KCNK2: variants seen among roughly 807,000 people sequenced by gnomAD.
The protein encoded by KCNK2 is potassium two pore domain channel subfamily K member 2, also known as potassium channel subfamily K member 2.
In KCNK2, 21 loss-of-function variants were observed where a neutral mutation model predicts 40.5. The observed-to-expected ratio is 0.52, with a 90% confidence interval of 0.37 to 0.75. KCNK2 has a LOEUF of 0.75. Among genes scored for constraint, KCNK2 ranks in the 30% least tolerant of loss-of-function variants. The probability of loss-of-function intolerance (pLI) is 0.00; values close to 1 mark genes in which losing one functional copy is unlikely to be tolerated. For missense variants in KCNK2, 399 were observed against 531.6 expected (o/e 0.75, Z 2.45); for synonymous variants, 191 against 202.2 (o/e 0.94, Z 0.47).
At chr1:215,125,446 A>G (rs10127611) in intron 3 of KCNK2, among the ~76,000 whole-genome samples, 116,838 of 151,942 alleles carry the variant, frequency 0.77, 45,234 homozygotes, top group Non-Finnish European at 0.79. Context: ...GGTACATGTA[A>G]ATGTCCTCTC....
At chr1:215,092,667 T>C (rs1465528477) in intron 2 of KCNK2, among the ~76,000 whole-genome samples, 1 of 152,122 alleles carries the variant, frequency 6.6e-6, no homozygotes, top group African/African-American at 2.4e-5. Flanking sequence ...TAGCCTAAAA[T>C]GGGGTGTCAG....
At chr1:215,207,290 G>A (rs1168270047) in intron 6 of KCNK2, among the ~76,000 whole-genome samples, 1 of 152,128 alleles carries the variant, frequency 6.6e-6, no homozygotes, top group Non-Finnish European at 1.5e-5. Flanking sequence ...GATTCTCATA[G>A]GAGCGGGAAC....
chr1:215,104,057 C>T (rs890376485), intron 2 of KCNK2, among the ~76,000 whole-genome samples: 11 of 151,940 alleles, frequency 7.2e-5, no homozygotes, highest in African/African-American at 2.7e-4. Flanking sequence ...ATCTGAAAGG[C>T]AGGCAATTGT....
At chr1:215,196,710 G>A (rs1664882271) in intron 6 of KCNK2, among the ~76,000 whole-genome samples, 2 of 151,980 alleles carry the variant, frequency 1.3e-5, no homozygotes, top group African/African-American at 4.8e-5. Context: ...GGGGCGGTGG[G>A]AGATGGGAGA....
chr1:215,134,987 A>T (rs1316903077), intron 3 of KCNK2, among the ~76,000 whole-genome samples: 5 of 152,114 alleles, frequency 3.3e-5, no homozygotes, highest in African/African-American at 4.8e-5. Context: ...TTTAAAGCAT[A>T]CATGTTTTAA....
In KCNK2 at chr1:215,202,586, A is replaced by G. The variant is rs545043322; in HGVS notation, c.963+7494A>G. Among the ~76,000 whole-genome samples the G allele has an allele frequency of 2.0e-5, 3 of 152,330 alleles. No homozygotes were observed. The South Asian group carries it at 6.2e-4, about 32-fold the overall frequency. On this transcript the variant is annotated intron_variant, in intron 6 of 6. Transcript: ENST00000444842. ...GTAGCCTCAGTATTATGTTGCATGTATGAACCTTTGTGCTTCTAACTTCAG... is the reference window on the plus strand; with the variant it reads ...GTAGCCTCAGTATTATGTTGCATGTGTGAACCTTTGTGCTTCTAACTTCAG...
intron 6 of KCNK2, among the ~76,000 whole-genome samples, chr1:215,222,651 T>C (rs1325443174): frequency 6.6e-6 from 1 of 151,824 alleles, no homozygotes; most frequent in Non-Finnish European, 1.5e-5. Context: ...CTTATGAATA[T>C]TACATATACT....
At chr1:215,094,089 G>A (rs1659874390) in intron 2 of KCNK2, among the ~76,000 whole-genome samples, 1 of 148,918 alleles carries the variant, frequency 6.7e-6, no homozygotes, top group Non-Finnish European at 1.5e-5. Context: ...TCTGATTTGT[G>A]TAAGCACTCA....
Position 215,209,349 on chromosome 1 carries a change from ATT to A in KCNK2, c.963+14258_963+14259del, listed in dbSNP as rs1320356420. Among the ~76,000 whole-genome samples the A allele has an allele frequency of 1.6e-4, 14 of 89,508 alleles. 1 individual carries two copies. The highest frequency in any genetic ancestry group is 4.4e-4 in the African/African-American group (10 of 22,638). 58.7% of individuals were successfully genotyped at this position (89,508 alleles called of 152,430 possible). A position where few individuals can be genotyped will look rare whatever the true frequency, so the allele number is the denominator to read the frequency against. On this transcript the variant is annotated intron_variant, in intron 6 of 6. Coordinates refer to ENST00000444842, the MANE Select transcript of KCNK2 (RefSeq NM_001017425.3). ...ATATTTTTATATATATAATATATAT[ATT>A]ATATATAATATATGCATATATTATA...
chr1:215,209,971 T>TAA lies in KCNK2; in HGVS notation c.963+14879_963+14880insAA, dbSNP rs1177002801. On this transcript the variant is annotated intron_variant, in intron 6 of 6. Transcript: ENST00000444842. Reference sequence around the variant, plus strand: ...AATAGGAAAATATATTTTATATATATTATATATATTATATATAATATATAA... The same window carrying TAA: ...AATAGGAAAATATATTTTATATATATAATATATATATTATATATAATATATAA... Among the ~76,000 whole-genome samples, 28 of 64,504 alleles carry TAA rather than the reference T, an allele frequency of 4.3e-4. No individual in the cohort carries two copies. The South Asian group carries it at 0.015, about 34-fold the overall frequency. 42.3% of individuals were successfully genotyped at this position (64,504 alleles called of 152,430 possible).
chr1:215,190,483 G>A (rs770294278), intron 5 of KCNK2, among the ~76,000 whole-genome samples: 1 of 152,120 alleles, frequency 6.6e-6, no homozygotes, highest in Non-Finnish European at 1.5e-5. Context: ...CTGTGTTTTG[G>A]AGCTATTCAG....
intron 1 of KCNK2, among the ~76,000 whole-genome samples, chr1:215,023,109 C>T (rs957487233): frequency 2.6e-5 from 4 of 152,182 alleles, no homozygotes; most frequent in African/African-American, 7.2e-5. Context: ...ATGAGCCTTT[C>T]GTTTTAATGG....
intron 6 of KCNK2, among the ~76,000 whole-genome samples, chr1:215,204,037 C>CAAAAAAAAAAA (rs71167813): frequency 3.6e-4 from 19 of 53,182 alleles, no homozygotes; most frequent in African/African-American, 1.8e-3. Context: ...GACTCCGTCT[C>CAAAAAAAAAAA]AAAAAAAAAA....
rs1411200246 is a variant in KCNK2, at chr1:215,083,298, T to C, written c.-88T>C. 1 of 1,554,910 alleles carries C rather than the reference T, an allele frequency of 6.4e-7. No homozygotes were observed. Among genetic ancestry groups the C allele is most frequent in the Non-Finnish European group, 8.7e-7 (1 of 1,143,540 alleles). On this transcript the variant is annotated 5_prime_UTR_variant, in exon 1 of 7. Coordinates refer to ENST00000444842, the MANE Select transcript of KCNK2 (RefSeq NM_001017425.3). The stretch of plus-strand genomic sequence containing the variant: ...CAGCTCGGAGCGCGCAGCCCGTCTC[T>C]GAATAAGAAGTGAGTACAATGGCGT...
rs1381649580 is a variant in KCNK2, at chr1:215,007,009, A to ATGTGTGTGTG, written c.34+1055_34+1056insGTGTGTGTGT. ...GGGGACCAATTCACTATATATATAT[A>ATGTGTGTGTG]TATATATATATATATATATATATAT... On this transcript the variant is annotated intron_variant, in intron 1 of 6. Coordinates refer to the KCNK2 transcript ENST00000391895. 3.1e-3 allele frequency among the ~76,000 whole-genome samples: 43 copies of ATGTGTGTGTG among 13,886 alleles called. 2 individuals are homozygous for ATGTGTGTGTG. The highest frequency in any genetic ancestry group is 5.0e-3 in the African/African-American group (41 of 8,238). The allele number at this position is 13,886 out of a possible 152,430, so 9.1% of individuals were successfully genotyped here.
chr1:215,031,235 A>G (rs1289897156), intron 1 of KCNK2, among the ~76,000 whole-genome samples: 1 of 152,138 alleles, frequency 6.6e-6, no homozygotes, highest in Non-Finnish European at 1.5e-5. Context: ...GCATCACCAT[A>G]TAAACTTAAG....
At chr1:215,215,200 A>G (rs890451107) in intron 6 of KCNK2, among the ~76,000 whole-genome samples, 3 of 148,830 alleles carry the variant, frequency 2.0e-5, no homozygotes, top group African/African-American at 7.4e-5. Flanking sequence ...AGCTGGGGGG[A>G]TTTTTTTTTT....
chr1:215,033,023 T>A (rs1303731739), intron 1 of KCNK2, among the ~76,000 whole-genome samples: 1 of 152,084 alleles, frequency 6.6e-6, no homozygotes, highest in Non-Finnish European at 1.5e-5. Context: ...CCCACAATTC[T>A]TGAATTTTCT....
chr1:215,086,677 A>G lies in KCNK2; in HGVS notation c.356A>G (p.Gln119Arg). Residue 119 changes from glutamine (Q) to arginine (R), a missense_variant and splice_region_variant, in exon 2 of 7, where the codon CAG becomes CGG. This residue lies in a region of KCNK2 where 279 missense variants were observed against 353.8 expected (regional missense o/e 0.79). Transcript: ENST00000444842. ...VNSTELDELIQQIVAAINAGI... is the reference protein window; with the variant it reads ...VNSTELDELIRQIVAAINAGI... ...TCGACGGAGCTGGATGAACTCATTC[A>G]GGTAATGGCATGGGAGGAGTTGTTA... 6.2e-7 allele frequency: 1 copy of G among 1,611,638 alleles called. No individual in the cohort carries two copies. The highest frequency in any genetic ancestry group is 8.5e-7 in the Non-Finnish European group (1 of 1,178,106).
Sources: gnomAD v4.1 joint callset for allele counts (sites outside exome capture counted in the v4.1 genomes callset) on GRCh38, gnomAD v4.1.1 for gene constraint, gnomAD v4.1.1 regional missense constraint, MANE v1.5 for transcripts, NCBI Gene and HGNC (gene_info 2026-07-23, HGNC 2026-07-21) for gene names.